The following RAD54B variants were observed in gnomAD, a reference collection of about 807,000 sequenced individuals.
The protein encoded by RAD54B is DNA repair and recombination protein RAD54B.
In RAD54B, 78 loss-of-function variants were observed where a neutral mutation model predicts 95.8. That is an observed-to-expected ratio of 0.81 (90% CI 0.68 to 0.98). RAD54B has a LOEUF of 0.98. Among genes scored for constraint, RAD54B ranks in the 50% least tolerant of loss-of-function variants. RAD54B has a pLI of 0.00. For synonymous variants in RAD54B, 328 were observed against 354.9 expected, an observed-to-expected ratio of 0.92 and a Z score of 0.85; for missense variants, 957 against 1,056.6, an observed-to-expected ratio of 0.91 and a Z score of 1.31.
In RAD54B at chr8:94,404,077, C is replaced by G. The variant is rs1369873171; in HGVS notation, c.944G>C (p.Arg315Thr). ...IFLYECVMGMRMNGRCGAILA... is the reference protein window; with the variant it reads ...IFLYECVMGMTMNGRCGAILA... ...TTAAACAAATGATTTATTTTCCTAC[C>G]TCATTCCCATTACACATTCATAAAG... The change falls in exon 6 of 15, where the codon AGA (arginine) becomes ACA (threonine). Residue 315 changes from arginine (R) to threonine (T), a missense_variant and splice_region_variant. By Grantham distance (71) the Arg-to-Thr change is moderately conservative (BLOSUM62 -1). Transcript: ENST00000336148. The G allele has an allele frequency of 1.3e-6, 2 of 1,586,652 alleles. No homozygotes were observed. The highest frequency in any genetic ancestry group is 2.3e-5 in the South Asian group (2 of 86,538).
At chr8:94,377,005 T>G (rs953760150) in intron 14 of RAD54B, among the ~76,000 whole-genome samples, 5 of 152,166 alleles carry the variant, frequency 3.3e-5, no homozygotes, top group African/African-American at 1.2e-4. Flanking sequence ...AGACATTGAT[T>G]GCTCAAGTCC....
intron 3 of RAD54B, among the ~76,000 whole-genome samples, chr8:94,438,992 T>C (rs1812335212): frequency 6.6e-6 from 1 of 152,134 alleles, no homozygotes; most frequent in Non-Finnish European, 1.5e-5. Flanking sequence ...TTCGGGAACC[T>C]GAGGTGGAAG....
chr8:94,381,223 AT>A (rs745499562), intron 11 of RAD54B, among the ~76,000 whole-genome samples: 19 of 152,336 alleles, frequency 1.2e-4, no homozygotes, highest in Non-Finnish European at 2.6e-4. Flanking sequence ...CAGGCACCCC[AT>A]ATGCCAGCCC....
chr8:94,469,788 A>G (rs1286417500), intron 1 of RAD54B, among the ~76,000 whole-genome samples: 1 of 152,206 alleles, frequency 6.6e-6, no homozygotes, highest in African/African-American at 2.4e-5. Flanking sequence ...TGAATGAATG[A>G]AATCTGGCAA....
intron 2 of RAD54B, among the ~76,000 whole-genome samples, chr8:94,466,733 G>A (rs541110267): frequency 7.9e-5 from 12 of 152,094 alleles, no homozygotes; most frequent in African/African-American, 2.4e-4. Flanking sequence ...AGATAAAAGT[G>A]AGAAAAAATG....
intron 6 of RAD54B, among the ~76,000 whole-genome samples, chr8:94,401,972 T>A (rs763313913): frequency 6.6e-6 from 1 of 152,184 alleles, no homozygotes; most frequent in Non-Finnish European, 1.5e-5. Context: ...ATTAGGCAGC[T>A]GAATATAGTT....
Position 94,372,056 on chromosome 8 carries a change from T to C in RAD54B, c.*114A>G, listed in dbSNP as rs971605373. On this transcript the variant is annotated 3_prime_UTR_variant, in exon 15 of 15. Transcript: ENST00000336148. ...TTTGACTATTGTATCAAAAGTGATA[T>C]ATTTTGCAACATATACTGTAATTTA... The C allele has an allele frequency of 3.5e-6, 5 of 1,436,404 alleles. No homozygotes were observed. In the African/African-American group the frequency reaches 4.3e-5, roughly 12 times the overall value. The allele number at this position is 1,436,404 out of a possible 1,614,324, so 89.0% of individuals were successfully genotyped here.
At chr8:94,464,429 C>A (rs1172274993) in intron 2 of RAD54B, among the ~76,000 whole-genome samples, 1 of 152,162 alleles carries the variant, frequency 6.6e-6, no homozygotes, top group Non-Finnish European at 1.5e-5. Context: ...CTTACCAACA[C>A]CTTGATCTTA....
chr8:94,439,348 A>C (rs761628240), intron 3 of RAD54B, among the ~76,000 whole-genome samples: 3 of 152,264 alleles, frequency 2.0e-5, no homozygotes, highest in African/African-American at 4.8e-5. Context: ...ATCTAAAAGC[A>C]CATCAGTTGG....
rs903356776 is a variant in RAD54B, at chr8:94,399,478, G to C, written c.1314C>G (p.Asn438Lys). The change falls in exon 8 of 15, where the codon AAC becomes AAG. Residue 438 changes from asparagine (N) to lysine (K), a missense_variant. Coordinates refer to ENST00000336148, the MANE Select transcript of RAD54B (RefSeq NM_012415.3). ...GGGCTGTAGTTGTCTTAATGGCACT[G>C]TTCTTCAAACGATGCCCCTCGTCAC... ...LICDEGHRLK[N>K]SAIKTTTALI... The C allele has an allele frequency of 6.2e-7, 1 of 1,613,530 alleles. No individual in the cohort carries two copies.
intron 1 of RAD54B, among the ~76,000 whole-genome samples, chr8:94,471,269 G>T (rs750778733): frequency 2.0e-5 from 1 of 49,246 alleles, no homozygotes; most frequent in Non-Finnish European, 3.9e-5. Flanking sequence ...AATGGGTGGC[G>T]GGGGGGGGCA....
rs544031414 is a variant in RAD54B at position 94,385,460 on chromosome 8, G to A, written c.1985+1524C>T. ...CAATCTGCATATGTACATCTCACAT[G>A]CCCTTTTGCACATAGCAAATATTAT... On this transcript the variant is annotated intron_variant, in intron 11 of 14. Transcript: ENST00000336148. Among the ~76,000 whole-genome samples the A allele has an allele frequency of 1.2e-4, 19 of 152,088 alleles. No homozygotes were observed. In the South Asian group the frequency reaches 3.7e-3, roughly 30 times the overall value.
At chr8:94,380,502 AT>A (rs778597577) in intron 11 of RAD54B, 96 bp from the exon 12 acceptor site, 25 of 1,229,738 alleles carry the variant, frequency 2.0e-5, no homozygotes, top group Non-Finnish European at 2.7e-5. Flanking sequence ...TATCACTGAC[AT>A]TGAGAGAACA....
At chr8:94,407,391 C>T (rs747557276) in intron 5 of RAD54B, 48 bp downstream of exon 5, 1 of 1,523,228 alleles carries the variant, frequency 6.6e-7, no homozygotes, top group African/African-American at 1.4e-5. Flanking sequence ...ACACAAAAAA[C>T]ATTTTGACAG....
chr8:94,384,425 A>G (rs1810820500), intron 11 of RAD54B, among the ~76,000 whole-genome samples: 1 of 152,208 alleles, frequency 6.6e-6, no homozygotes, highest in African/African-American at 2.4e-5. Flanking sequence ...ATATGATTCC[A>G]TTTATATGAG....
chr8:94,463,402 T>C (rs1443039239), intron 2 of RAD54B, among the ~76,000 whole-genome samples: 3 of 151,980 alleles, frequency 2.0e-5, no homozygotes, highest in African/African-American at 7.3e-5. Flanking sequence ...CCCACTAGTA[T>C]GGCCACAATC....
intron 2 of RAD54B, among the ~76,000 whole-genome samples, chr8:94,464,814 T>A (rs1044737584): frequency 6.6e-6 from 1 of 152,170 alleles, no homozygotes; most frequent in African/African-American, 2.4e-5. Flanking sequence ...GGTGCCAGCT[T>A]CTGTTTCTGA....
chr8:94,445,699 A>C (rs938515345), intron 3 of RAD54B, among the ~76,000 whole-genome samples: 111 of 146,716 alleles, frequency 7.6e-4, no homozygotes, highest in African/African-American at 2.6e-3. Context: ...AGGTACATTA[A>C]TTTTTTTTTT....
chr8:94,431,912 GA>G (rs150872253), intron 3 of RAD54B: 2,354 of 1,085,562 alleles, frequency 2.2e-3, no homozygotes, highest in East Asian at 5.6e-3. Context: ...TAAACTTAGG[GA>G]AAAAAAAAAG....
Sources: allele counts gnomAD v4.1 joint callset (sites outside exome capture counted in the v4.1 genomes callset), GRCh38; gene constraint gnomAD v4.1.1; transcripts MANE v1.5; gene names NCBI Gene and HGNC (gene_info 2026-07-23, HGNC 2026-07-21).